The following NKAIN2 variants were observed in gnomAD, a reference collection of about 807,000 sequenced individuals.
The protein encoded by NKAIN2 is sodium/potassium transporting ATPase interacting 2.
NKAIN2 carries 14 observed loss-of-function variants against 32.6 expected under a neutral mutation model. The observed-to-expected ratio is 0.43, with a 90% CI of 0.28 to 0.67. The LOEUF is 0.67. NKAIN2 is among the 30% of genes least tolerant of loss of function. The probability of loss-of-function intolerance (pLI) is 0.17; values close to 1 mark genes in which losing one functional copy is unlikely to be tolerated. For synonymous variants in NKAIN2, 80 were observed against 87.2 expected (o/e 0.92, Z 0.46); for missense variants, 198 against 258.3 (o/e 0.77, Z 1.60).
intron 4 of NKAIN2, among the ~76,000 whole-genome samples, chr6:124,786,136 A>T (rs1403327264): frequency 6.6e-6 from 1 of 152,036 alleles, no homozygotes; most frequent in Non-Finnish European, 1.5e-5. Context: ...GCTTTTAAAA[A>T]ATCTGTACCT....
chr6:124,043,126 G>A (rs1225987242), intron 1 of NKAIN2, among the ~76,000 whole-genome samples: 3 of 152,090 alleles, frequency 2.0e-5, no homozygotes, highest in Non-Finnish European at 4.4e-5. Context: ...GGGAGGCCGA[G>A]GTGGGCGGAT....
At chr6:124,188,478 T>C (rs1435438605) in intron 1 of NKAIN2, among the ~76,000 whole-genome samples, 1 of 152,230 alleles carries the variant, frequency 6.6e-6, no homozygotes, top group Non-Finnish European at 1.5e-5. Flanking sequence ...TTATGGACTT[T>C]AATCACATTT....
intron 1 of NKAIN2, among the ~76,000 whole-genome samples, chr6:124,270,923 T>C (rs1024695711): frequency 2.0e-5 from 3 of 152,152 alleles, no homozygotes; most frequent in Admixed American, 1.3e-4. Context: ...TAAAATCCAT[T>C]TGGCTTTGTG....
chr6:124,315,772 A>G (rs1796924008), intron 2 of NKAIN2, among the ~76,000 whole-genome samples: 1 of 152,130 alleles, frequency 6.6e-6, no homozygotes, highest in African/African-American at 2.4e-5. Context: ...AATCCTTTTT[A>G]TATTGATATT....
At chr6:124,639,135 G>A (rs374291394) in intron 3 of NKAIN2, among the ~76,000 whole-genome samples, 1 of 152,094 alleles carries the variant, frequency 6.6e-6, no homozygotes, top group Non-Finnish European at 1.5e-5. Context: ...TTGGTGGGAA[G>A]TAAATTAGTA....
At chr6:124,820,206 A>C (rs74853896) in intron 6 of NKAIN2, among the ~76,000 whole-genome samples, 13 of 152,304 alleles carry the variant, frequency 8.5e-5, no homozygotes, top group African/African-American at 3.1e-4. Flanking sequence ...ATTCTTCTCA[A>C]TATTTTATGT....
intron 4 of NKAIN2, among the ~76,000 whole-genome samples, chr6:124,695,399 A>G (rs1562328944): frequency 6.6e-6 from 1 of 152,226 alleles, no homozygotes; most frequent in African/African-American, 2.4e-5. Flanking sequence ...TTACCAGGAC[A>G]ATAGCATGAA....
intron 3 of NKAIN2, among the ~76,000 whole-genome samples, chr6:124,428,707 A>G (rs1775083496): frequency 6.6e-6 from 1 of 152,214 alleles, no homozygotes; most frequent in Non-Finnish European, 1.5e-5. Context: ...TGGAAAAGAT[A>G]GCAAGAAGGA....
intron 1 of NKAIN2, among the ~76,000 whole-genome samples, chr6:124,073,246 C>G (rs1382896289): frequency 6.6e-6 from 1 of 152,234 alleles, no homozygotes; most frequent in African/African-American, 2.4e-5. Context: ...GCCCACACTT[C>G]CAGCAGCTTG....
intron 1 of NKAIN2, among the ~76,000 whole-genome samples, chr6:123,835,197 C>A (rs1774565433): frequency 6.6e-6 from 1 of 152,138 alleles, no homozygotes; most frequent in Non-Finnish European, 1.5e-5. Context: ...CAGTTTCATT[C>A]AATCAGTTGC....
At chr6:124,179,104 A>C (rs755226191) in intron 1 of NKAIN2, among the ~76,000 whole-genome samples, 4 of 152,256 alleles carry the variant, frequency 2.6e-5, no homozygotes, top group Non-Finnish European at 5.9e-5. Flanking sequence ...AAGATAATCA[A>C]GGAATTTGAA....
chr6:124,519,667 T>C (rs180700818), intron 3 of NKAIN2, among the ~76,000 whole-genome samples: 1 of 152,284 alleles, frequency 6.6e-6, no homozygotes, highest in Admixed American at 6.5e-5. Flanking sequence ...GCTACAATGT[T>C]GAAGAATTAA....
chr6:123,827,838 G>T (rs578201484), intron 1 of NKAIN2, among the ~76,000 whole-genome samples: 2 of 151,642 alleles, frequency 1.3e-5, no homozygotes, highest in African/African-American at 4.8e-5. Flanking sequence ...AAATTACAGA[G>T]TAGAATTAGG....
chr6:124,649,585 C>A (rs1641589194), intron 3 of NKAIN2, among the ~76,000 whole-genome samples: 1 of 152,114 alleles, frequency 6.6e-6, no homozygotes, highest in Non-Finnish European at 1.5e-5. Context: ...AAGATAGAAG[C>A]AGAGACACTA....
At chr6:124,766,210 A>T (rs1270916740) in intron 4 of NKAIN2, among the ~76,000 whole-genome samples, 1 of 152,212 alleles carries the variant, frequency 6.6e-6, no homozygotes, top group Non-Finnish European at 1.5e-5. Context: ...CAAGCTCTAG[A>T]CTTATAGGAG....
chr6:124,286,333 C>T (rs368673329), intron 2 of NKAIN2, among the ~76,000 whole-genome samples: 16 of 152,026 alleles, frequency 1.1e-4, no homozygotes, highest in East Asian at 3.9e-4. Context: ...AAAATACTCT[C>T]GTCTTTTTTT....
intron 1 of NKAIN2, among the ~76,000 whole-genome samples, chr6:124,071,392 C>T (rs759297709): frequency 1.3e-5 from 2 of 152,074 alleles, no homozygotes; most frequent in Non-Finnish European, 2.9e-5. Flanking sequence ...CAGGAAACAT[C>T]ATTCTAGACA....
chr6:123,819,687 A>G (rs573197756), intron 1 of NKAIN2, among the ~76,000 whole-genome samples: 14 of 152,330 alleles, frequency 9.2e-5, no homozygotes, highest in Admixed American at 7.9e-4. Flanking sequence ...GAGATGCCCC[A>G]TACCAGCAGG....
chr6:124,485,869 G>A (rs951985033), intron 3 of NKAIN2, among the ~76,000 whole-genome samples: 1 of 152,166 alleles, frequency 6.6e-6, no homozygotes, highest in Non-Finnish European at 1.5e-5. Context: ...CAGGCAACTA[G>A]GTTGATGTCT....
Sources: allele counts gnomAD v4.1 joint callset (sites outside exome capture counted in the v4.1 genomes callset), GRCh38; gene constraint gnomAD v4.1.1; transcripts MANE v1.5; gene names NCBI Gene and HGNC (gene_info 2026-07-23, HGNC 2026-07-21).